Variants in EPB41L3 observed in about 807,000 individuals in gnomAD.
EPB41L3 encodes the protein erythrocyte membrane protein band 4.1 like 3, also known as band 4.1-like protein 3.
A neutral mutation model predicts 127.1 loss-of-function variants in EPB41L3; 57 were observed. The observed-to-expected ratio is 0.45, with a 90% CI of 0.36 to 0.56. The LOEUF (loss-of-function observed/expected upper bound fraction) is 0.56, where lower values mean the gene tolerates loss of function less well. EPB41L3 is among the 20% of genes least tolerant of loss of function. The pLI is 0.00. For missense variants in EPB41L3, 1,273 were observed against 1,372.2 expected (o/e 0.93, Z 1.14); for synonymous variants, 572 against 549.5 (o/e 1.04, Z -0.57).
intron 3 of EPB41L3, among the ~76,000 whole-genome samples, chr18:5,602,477 C>T (rs1038971483): frequency 1.1e-4 from 17 of 152,176 alleles, no homozygotes; most frequent in African/African-American, 3.4e-4. Context: ...TTGACTGAGA[C>T]AGGTCTCATT....
At chr18:5,534,988 G>A (rs2093525714) in intron 1 of EPB41L3, among the ~76,000 whole-genome samples, 1 of 152,124 alleles carries the variant, frequency 6.6e-6, no homozygotes, top group Non-Finnish European at 1.5e-5. Flanking sequence ...ACTGGGCCAA[G>A]GACAGTGGTG....
At chr18:5,567,575 GAGAA>G (rs2094223142) in intron 3 of EPB41L3, among the ~76,000 whole-genome samples, 2 of 151,538 alleles carry the variant, frequency 1.3e-5, no homozygotes, top group African/African-American at 2.4e-5. Context: ...AAGTGAGAAA[GAGAA>G]AGAGAAAAAG....
At chr18:5,445,714 T>C (rs2081373845) in intron 3 of EPB41L3, among the ~76,000 whole-genome samples, 1 of 152,172 alleles carries the variant, frequency 6.6e-6, no homozygotes, top group Non-Finnish European at 1.5e-5. Flanking sequence ...CATGGTCTGT[T>C]AGGAAGAGGG....
At chr18:5,435,205 A>G (rs1206417905) in intron 6 of EPB41L3, among the ~76,000 whole-genome samples, 1 of 152,222 alleles carries the variant, frequency 6.6e-6, no homozygotes, top group Non-Finnish European at 1.5e-5. Flanking sequence ...AAAGTAAAAA[A>G]ATTACAGTAA....
At chr18:5,611,878 G>A (rs2094729773) in intron 3 of EPB41L3, among the ~76,000 whole-genome samples, 1 of 152,150 alleles carries the variant, frequency 6.6e-6, no homozygotes, top group Non-Finnish European at 1.5e-5. Context: ...AGGATCACTT[G>A]AGCCCAGGAT....
intron 1 of EPB41L3, among the ~76,000 whole-genome samples, chr18:5,533,446 T>C (rs1238650681): frequency 6.6e-6 from 1 of 152,208 alleles, no homozygotes; most frequent in Non-Finnish European, 1.5e-5. Flanking sequence ...TATAATGTAG[T>C]CTGACCATTT....
intron 18 of EPB41L3, among the ~76,000 whole-genome samples, chr18:5,396,741 A>G (rs1191875334): frequency 6.6e-6 from 1 of 152,200 alleles, no homozygotes; most frequent in African/African-American, 2.4e-5. Flanking sequence ...AAATAAATGT[A>G]TCACATTTTC....
intron 3 of EPB41L3, among the ~76,000 whole-genome samples, chr18:5,457,416 C>A (rs537661403): frequency 1.3e-5 from 2 of 151,734 alleles, no homozygotes; most frequent in Admixed American, 1.3e-4. Flanking sequence ...TAAACCAGCT[C>A]TCCTTGCTTT....
rs750621088 is a variant in EPB41L3, at chr18:5,433,922, C to G, written c.805G>C (p.Glu269Gln). Residue 269 changes from glutamate (E) to glutamine (Q), a missense_variant, in exon 7 of 23, where the codon GAG becomes CAG. Around this residue, in one of 3 missense-constraint regions of EPB41L3, gnomAD observed 326 missense variants for 440.2 expected, o/e 0.74. Coordinates refer to ENST00000341928, the MANE Select transcript of EPB41L3 (RefSeq NM_012307.5). ...HTKELEDKVI[E>Q]LHKSHRGMTP... ...TCTAACCTGTGGCTCTTGTGCAGCT[C>G]GATCACTTTGTCTTCCAGTTCTTTA... 1.9e-6 allele frequency: 3 copies of G among 1,614,044 alleles called. No individual in the cohort carries two copies. The East Asian group carries it at 6.7e-5, about 36-fold the overall frequency.
At chr18:5,514,825 C>T (rs900047575) in intron 1 of EPB41L3, among the ~76,000 whole-genome samples, 1 of 152,196 alleles carries the variant, frequency 6.6e-6, no homozygotes, top group Non-Finnish European at 1.5e-5. Flanking sequence ...TCCATTAGTG[C>T]TGACAGGGTA....
At chr18:5,487,758 C>G (rs1490655241) in intron 2 of EPB41L3, among the ~76,000 whole-genome samples, 1 of 151,312 alleles carries the variant, frequency 6.6e-6, no homozygotes, top group Non-Finnish European at 1.5e-5. Flanking sequence ...AGCCACTGAG[C>G]CCGGCCTCAA....
chr18:5,530,955 CACT>C (rs1170578250), intron 1 of EPB41L3, among the ~76,000 whole-genome samples: 1 of 152,170 alleles, frequency 6.6e-6, no homozygotes, highest in Admixed American at 6.5e-5. Context: ...AGATATACTC[CACT>C]GTTAGGCAGA....
At chr18:5,427,649 A>C (rs1039341585) in intron 9 of EPB41L3, among the ~76,000 whole-genome samples, 6 of 152,252 alleles carry the variant, frequency 3.9e-5, no homozygotes, top group African/African-American at 1.4e-4. Context: ...CCAGATTTGC[A>C]GGACAAACAG....
At chr18:5,598,881 C>T (rs926273341) in intron 3 of EPB41L3, among the ~76,000 whole-genome samples, 1 of 152,142 alleles carries the variant, frequency 6.6e-6, no homozygotes, top group African/African-American at 2.4e-5. Flanking sequence ...TCAGTCTCTT[C>T]GGTTAAACTG....
chr18:5,443,198 A>G (rs996925764), intron 5 of EPB41L3, among the ~76,000 whole-genome samples: 6 of 152,204 alleles, frequency 3.9e-5, no homozygotes, highest in Admixed American at 2.0e-4. Context: ...AAATGATTGA[A>G]CCAACTTACT....
upstream of EPB41L3, among the ~76,000 whole-genome samples, chr18:5,548,041 C>A (rs908867829): frequency 9.2e-5 from 14 of 152,210 alleles, no homozygotes. Flanking sequence ...TTTATTCAAC[C>A]TGATCTGCTG....
intron 1 of EPB41L3, among the ~76,000 whole-genome samples, chr18:5,535,101 C>G (rs2093530761): frequency 6.6e-6 from 1 of 152,070 alleles, no homozygotes; most frequent in Non-Finnish European, 1.5e-5. Context: ...AGAATGTGAA[C>G]CGCACACGTG....
chr18:5,421,297 T>C (rs887091101), intron 11 of EPB41L3, among the ~76,000 whole-genome samples: 1 of 149,712 alleles, frequency 6.7e-6, no homozygotes, highest in Non-Finnish European at 1.5e-5. Context: ...ACAAAGTGGA[T>C]GATATTCAGG....
chr18:5,484,931 T>C (rs2089466076), intron 2 of EPB41L3, among the ~76,000 whole-genome samples: 1 of 151,672 alleles, frequency 6.6e-6, no homozygotes, highest in Admixed American at 6.6e-5. Flanking sequence ...CTGATCCTAC[T>C]TAAACTCTTC....
Sources: gnomAD v4.1 joint callset for allele counts (sites outside exome capture counted in the v4.1 genomes callset) on GRCh38, gnomAD v4.1.1 for gene constraint, gnomAD v4.1.1 regional missense constraint, MANE v1.5 for transcripts, NCBI Gene and HGNC (gene_info 2026-07-23, HGNC 2026-07-21) for gene names.